PCDHGB6: variants seen among roughly 807,000 people sequenced by gnomAD.
PCDHGB6 encodes the protein protocadherin gamma-B6.
A neutral mutation model predicts 59.1 loss-of-function variants in PCDHGB6; 51 were observed. That is an observed-to-expected ratio of 0.86 (90% CI 0.69 to 1.09). PCDHGB6 has a LOEUF of 1.09. Ranked by LOEUF, PCDHGB6 falls within the 50% of genes least tolerant of loss-of-function variation. The pLI is 0.00. For missense variants in PCDHGB6, 1,148 were observed against 1,205.1 expected, an observed-to-expected ratio of 0.95 and a Z score of 0.70; for synonymous variants, 466 against 495.1, an observed-to-expected ratio of 0.94 and a Z score of 0.78.
At chr5:141,443,088 T>G (rs188899890) in intron 1 of PCDHGB6, among the ~76,000 whole-genome samples, 1 of 151,974 alleles carries the variant, frequency 6.6e-6, no homozygotes, top group African/African-American at 2.4e-5. Context: ...TGTTCCAGTC[T>G]CCTTCTCAAG....
intron 2 of PCDHGB6, among the ~76,000 whole-genome samples, chr5:141,500,838 GGCTTTT>G (rs2099802886): frequency 6.6e-6 from 1 of 151,878 alleles, no homozygotes. Flanking sequence ...AATGCTAATG[GGCTTTT>G]GCTACATTAG....
At chr5:141,505,604 G>T (rs772730114) in intron 3 of PCDHGB6, 123 bp downstream of exon 3, 1 of 1,535,418 alleles carries the variant, frequency 6.5e-7, no homozygotes, top group Non-Finnish European at 8.8e-7. Flanking sequence ...CTTTCGGCAG[G>T]TCTGAAAGGA....
chr5:141,479,020 T>C (rs961123768), intron 1 of PCDHGB6, among the ~76,000 whole-genome samples: 1 of 152,236 alleles, frequency 6.6e-6, no homozygotes, highest in African/African-American at 2.4e-5. Flanking sequence ...ATAATTTTCC[T>C]TTGTTTATAC....
Position 141,431,151 on chromosome 5 carries a change from C to A in PCDHGB6, c.2418+20531C>A, listed in dbSNP as rs764416448. On this transcript the variant is annotated intron_variant, in intron 1 of 3. Transcript: ENST00000520790. This position sits in a 1 kb window ranked among gnomAD's most constrained non-coding sequence, Gnocchi z 4.8. Reference sequence around the variant, plus strand: ...GTAAGGGACATTAACGACAATGCGCCTTACTTTCGTGAAAGTGAATTAGAA... The same window carrying A: ...GTAAGGGACATTAACGACAATGCGCATTACTTTCGTGAAAGTGAATTAGAA... 7.4e-6 allele frequency: 12 copies of A among 1,614,126 alleles called. No individual in the cohort carries two copies. Among genetic ancestry groups the A allele is most frequent in the Middle Eastern group, 1.6e-4 (1 of 6,084 alleles).
chr5:141,421,203 G>T, intron 1 of PCDHGB6: 1 of 1,522,612 alleles, frequency 6.6e-7, no homozygotes, highest in Non-Finnish European at 8.8e-7. Flanking sequence ...TCGAGAAACC[G>T]CGGAATATCG....
chr5:141,420,613 A>G (rs536307424), intron 1 of PCDHGB6, among the ~76,000 whole-genome samples: 53 of 152,194 alleles, frequency 3.5e-4, no homozygotes, highest in Non-Finnish European at 1.9e-4. Flanking sequence ...CAAGTATTTC[A>G]TCTTCATTTA....
intron 1 of PCDHGB6, among the ~76,000 whole-genome samples, chr5:141,467,297 CT>C (rs1229166213): frequency 2.0e-5 from 3 of 152,182 alleles, no homozygotes; most frequent in African/African-American, 7.2e-5. Context: ...AAGTGATCCA[CT>C]CACCTCGGCC....
intron 2 of PCDHGB6, 35 bp from the exon 3 acceptor site, chr5:141,505,358 G>A (rs1156448862): frequency 6.2e-7 from 1 of 1,613,796 alleles, no homozygotes; most frequent in Non-Finnish European, 8.5e-7. Context: ...GTGCCGGCCT[G>A]GGAGTCTGTG....
In PCDHGB6 at chr5:141,432,002, G is replaced by T; in HGVS notation, c.2418+21382G>T. The T allele has an allele frequency of 6.2e-7, 1 of 1,614,186 alleles. No homozygotes were observed. The highest frequency in any genetic ancestry group is 1.1e-5 in the South Asian group (1 of 91,090). ...AGACATAGTCTTGGATAGGGAACAGGTTCCTAGCTACAACATCACAGTGAC... is the reference window on the plus strand; with the variant it reads ...AGACATAGTCTTGGATAGGGAACAGTTTCCTAGCTACAACATCACAGTGAC... On this transcript the variant is annotated intron_variant, in intron 1 of 3. Coordinates refer to ENST00000520790, the MANE Select transcript of PCDHGB6 (RefSeq NM_018926.3). The surrounding 1 kb of genome is among the most constrained non-coding windows in gnomAD (Gnocchi z 6.0).
intron 1 of PCDHGB6, among the ~76,000 whole-genome samples, chr5:141,482,412 T>C (rs2099559037): frequency 6.6e-6 from 1 of 151,636 alleles, no homozygotes; most frequent in Non-Finnish European, 1.5e-5. Context: ...TAACTATTTG[T>C]TGAACTAAAA....
Position 141,485,979 on chromosome 5 carries a change from C to T in PCDHGB6, c.2419-8828C>T. ...CTCATCCAGCTCAATGCCTCAGACC[C>T]GGACCTGGGTCCCAGTGGTAACGTC... is the stretch of plus-strand genomic sequence containing the variant. On this transcript the variant is annotated intron_variant, in intron 1 of 3. Coordinates refer to ENST00000520790, the MANE Select transcript of PCDHGB6 (RefSeq NM_018926.3). The surrounding 1 kb of genome is among the most constrained non-coding windows in gnomAD (Gnocchi z 5.7). The T allele has an allele frequency of 1.2e-6, 2 of 1,614,182 alleles. No individual in the cohort carries two copies. The highest frequency in any genetic ancestry group is 1.7e-6 in the Non-Finnish European group (2 of 1,180,022).
chr5:141,507,570 G>A (rs562674847), intron 3 of PCDHGB6, among the ~76,000 whole-genome samples: 1 of 152,366 alleles, frequency 6.6e-6, no homozygotes, highest in South Asian at 2.1e-4. Flanking sequence ...CTGGGTCTGA[G>A]GAGATGCCAA....
chr5:141,472,183 A>G (rs2099273731), intron 1 of PCDHGB6, among the ~76,000 whole-genome samples: 1 of 152,190 alleles, frequency 6.6e-6, no homozygotes, highest in South Asian at 2.1e-4. Flanking sequence ...CCAGTATTGG[A>G]ATTTGAATCT....
rs186288044 is a variant in PCDHGB6, at chr5:141,433,652, A to G, written c.2418+23032A>G. On this transcript the variant is annotated intron_variant, in intron 1 of 3. Transcript: ENST00000520790. ...GGAGTTTGAGACCAGCCTGACCAAC[A>G]TGGAGAAACCCCGTCTATACTAAAA... is the stretch of plus-strand genomic sequence containing the variant. 1.0e-2 allele frequency among the ~76,000 whole-genome samples: 1,520 copies of G among 152,208 alleles called. 33 individuals are homozygous for G. The highest frequency in any genetic ancestry group is 0.034 in the African/African-American group (1,423 of 41,538).
chr5:141,414,908 G>A (rs758472270), intron 1 of PCDHGB6: 19 of 1,614,188 alleles, frequency 1.2e-5, no homozygotes, highest in Non-Finnish European at 1.6e-5. Flanking sequence ...GGTTCCACAG[G>A]CGTGGAGCTG....
intron 1 of PCDHGB6, among the ~76,000 whole-genome samples, chr5:141,488,554 T>C (rs1313975033): frequency 6.6e-6 from 1 of 152,064 alleles, no homozygotes; most frequent in African/African-American, 2.4e-5. Context: ...CAGCTGACAT[T>C]GAGATTTCCG....
At chr5:141,458,513 G>GT (rs537551567) in intron 1 of PCDHGB6, among the ~76,000 whole-genome samples, 9,886 of 146,106 alleles carry the variant, frequency 0.068, 671 homozygotes, top group African/African-American at 0.18. Flanking sequence ...TTGACACTTT[G>GT]TTTTTTTTTT....
At chr5:141,441,916 C>T (rs1340767725) in intron 1 of PCDHGB6, 9 of 352,248 alleles carry the variant, frequency 2.6e-5, no homozygotes, top group Non-Finnish European at 4.9e-5. Context: ...AGATGTGAGA[C>T]ACAATGCGTG....
intron 1 of PCDHGB6, chr5:141,414,451 G>C (rs1390702349): frequency 1.9e-6 from 3 of 1,613,874 alleles, no homozygotes; most frequent in Non-Finnish European, 2.5e-6. Context: ...CAATATCACA[G>C]TGACAGCCAC....
Sources: allele counts gnomAD v4.1 joint callset (sites outside exome capture counted in the v4.1 genomes callset), GRCh38; gene constraint gnomAD v4.1.1; non-coding constraint Gnocchi (gnomAD v3.1); transcripts MANE v1.5; gene names NCBI Gene and HGNC (gene_info 2026-07-23, HGNC 2026-07-21).